Variants in APAF1 observed in about 807,000 individuals in gnomAD.
APAF1 encodes the protein apoptotic protease-activating factor 1.
Under a neutral mutation model 152.4 loss-of-function variants are expected in APAF1, and 91 were observed. The ratio of observed to expected loss-of-function variants is 0.60; its 90% CI spans 0.50 to 0.71. APAF1 has a LOEUF of 0.71. Ranked by LOEUF, APAF1 falls within the 30% of genes least tolerant of loss-of-function variation. The pLI is 0.00. For synonymous variants in APAF1, 484 were observed against 494.1 expected, an observed-to-expected ratio of 0.98 and a Z score of 0.27; for missense variants, 1,283 against 1,472.0, an observed-to-expected ratio of 0.87 and a Z score of 2.10.
intron 14 of APAF1, among the ~76,000 whole-genome samples, chr12:98,681,301 A>G (rs1202903984): frequency 1.3e-5 from 2 of 152,076 alleles, no homozygotes; most frequent in Non-Finnish European, 2.9e-5. Context: ...GCCTCAAGTG[A>G]TCCGCCTGCC....
chr12:98,665,007 G>A (rs1166817509), intron 7 of APAF1, among the ~76,000 whole-genome samples: 1 of 151,942 alleles, frequency 6.6e-6, no homozygotes, highest in Middle Eastern at 3.4e-3. Context: ...AGTGTGCTGT[G>A]ATGAATATCC....
At chr12:98,671,825 G>A (rs2097680563) in intron 12 of APAF1, 106 bp downstream of exon 12, 4 of 1,077,874 alleles carry the variant, frequency 3.7e-6, no homozygotes, top group Non-Finnish European at 5.6e-6. Context: ...ACTTTCGAAA[G>A]GGCTGGAACT....
At chr12:98,715,700 G>T in intron 22 of APAF1, 148 bp downstream of exon 22, 1 of 879,656 alleles carries the variant, frequency 1.1e-6, no homozygotes, top group African/African-American at 1.7e-5. Flanking sequence ...GAAACCTATG[G>T]GTGTTTCATA....
chr12:98,719,100 A>G (rs542820988), intron 22 of APAF1, among the ~76,000 whole-genome samples: 2 of 152,014 alleles, frequency 1.3e-5, no homozygotes, highest in South Asian at 4.2e-4. Context: ...TAATTTTGAG[A>G]GCTCACAAGG....
chr12:98,678,752 G>A (rs1212074694), intron 13 of APAF1, among the ~76,000 whole-genome samples: 2 of 152,256 alleles, frequency 1.3e-5, no homozygotes, highest in Non-Finnish European at 2.9e-5. Context: ...TGATCTTAGA[G>A]CAAAGCTGGG....
chr12:98,706,185 C>G (rs985304222), intron 18 of APAF1, among the ~76,000 whole-genome samples: 3 of 152,014 alleles, frequency 2.0e-5, no homozygotes, highest in Non-Finnish European at 4.4e-5. Flanking sequence ...AGAGATTTGT[C>G]GTCATCAAGG....
At chr12:98,728,383 A>T (rs528145001) in intron 26 of APAF1, among the ~76,000 whole-genome samples, 2 of 152,312 alleles carry the variant, frequency 1.3e-5, no homozygotes, top group Non-Finnish European at 2.9e-5. Context: ...TGGTTTACAG[A>T]TGAGGAAAAT....
intron 12 of APAF1, among the ~76,000 whole-genome samples, chr12:98,676,488 T>C (rs1185535269): frequency 6.6e-6 from 1 of 151,316 alleles, no homozygotes; most frequent in Admixed American, 6.6e-5. Flanking sequence ...GGATTACAGG[T>C]GTGAACCACC....
At chr12:98,692,596 C>A (rs888929079) in intron 16 of APAF1, among the ~76,000 whole-genome samples, 8 of 152,138 alleles carry the variant, frequency 5.3e-5, no homozygotes, top group African/African-American at 1.9e-4. Context: ...ATCTTTATGT[C>A]TTTGTGTACC....
chr12:98,667,764 GATTT>G, intron 10 of APAF1, 120 bp downstream of exon 10: 2 of 383,442 alleles, frequency 5.2e-6, no homozygotes, highest in Non-Finnish European at 8.5e-6. Flanking sequence ...CTTTCCATTT[GATTT>G]TTTTTTTTTT....
intron 5 of APAF1, among the ~76,000 whole-genome samples, chr12:98,659,848 GC>G (rs1166242061): frequency 1.3e-5 from 2 of 150,706 alleles, no homozygotes; most frequent in African/African-American, 4.9e-5. Context: ...AAAAGTGGCT[GC>G]CACTCGGCCT....
intron 5 of APAF1, 137 bp from the exon 6 acceptor site, chr12:98,662,319 T>A: frequency 1.5e-6 from 1 of 662,916 alleles, no homozygotes; most frequent in Non-Finnish European, 2.6e-6. Flanking sequence ...GAAGAATCAT[T>A]TTCCTAGATC....
chr12:98,647,775 G>A (rs2097643558), intron 1 of APAF1, among the ~76,000 whole-genome samples: 1 of 140,842 alleles, frequency 7.1e-6, no homozygotes. Context: ...GGAGATATGT[G>A]TCATAATTTT....
At chr12:98,698,912 A>G (rs2097712399) in intron 16 of APAF1, among the ~76,000 whole-genome samples, 1 of 152,182 alleles carries the variant, frequency 6.6e-6, no homozygotes, top group African/African-American at 2.4e-5. Flanking sequence ...CAAGCACACA[A>G]AGAGTCTTGC....
intron 26 of APAF1, among the ~76,000 whole-genome samples, chr12:98,727,814 G>C (rs1170620592): frequency 6.6e-6 from 1 of 151,866 alleles, no homozygotes; most frequent in East Asian, 1.9e-4. Context: ...GGTGGCATAT[G>C]CCTGTAATCC....
At position 98,723,656 on chromosome 12, in the gene APAF1, T is replaced by G; in HGVS notation, c.3222T>G (p.Thr1074=). The G allele has an allele frequency of 1.9e-6, 3 of 1,591,086 alleles. No homozygotes were observed. In the East Asian group the frequency reaches 6.7e-5, roughly 36 times the overall value. The change falls in exon 24 of 27, where the codon ACT becomes ACG. Residue 1074 remains threonine, a synonymous_variant. Coordinates refer to ENST00000551964, the MANE Select transcript of APAF1 (RefSeq NM_181861.2). The stretch of plus-strand genomic sequence containing the variant: ...TTTTTAAGGTATGGAATATTATTAC[T>G]GGAAATAAAGAAAAAGACTTTGTCT... ...DGTVKVWNII[T]GNKEKDFVCH...
At chr12:98,666,450 T>G (rs1308979232) in intron 9 of APAF1, 93 bp downstream of exon 9, 3 of 1,254,794 alleles carry the variant, frequency 2.4e-6, no homozygotes, top group African/African-American at 1.5e-5. Flanking sequence ...ATAGTTTCTG[T>G]GCATAAGTCC....
In APAF1 at chr12:98,732,551, A is replaced by G. The variant is rs1488857310; in HGVS notation, c.3732A>G (p.Leu1244=). 1.1e-5 allele frequency: 17 copies of G among 1,568,182 alleles called. No homozygotes were observed. In the South Asian group the frequency reaches 1.8e-4, roughly 16 times the overall value. Residue 1244 remains leucine, a synonymous_variant, in exon 27 of 27, where the codon TTA becomes TTG. Coordinates refer to ENST00000551964, the MANE Select transcript of APAF1 (RefSeq NM_181861.2). The stretch of plus-strand genomic sequence containing the variant: ...ATAATCTTGGTATTTTATATATTTT[A>G]CAGACTTTAGAATAAAATAGTTAAG... ...TVDNLGILYI[L]QTLE
Position 98,703,477 on chromosome 12 carries a change from CT to C in APAF1, c.2576del (p.Leu859CysfsTer6). The C allele has an allele frequency of 6.2e-7, 1 of 1,614,134 alleles. No homozygotes were observed. The highest frequency in any genetic ancestry group is 8.5e-7 in the Non-Finnish European group (1 of 1,180,012). ...FSPQNHLAVV[A>X]LSQYCVELWN... ...CCACAAAACCATTTGGCAGTGGTTG[CT>C]TTGTCCCAGTACTGTGTAGAGGTGA... On this transcript the variant is annotated frameshift_variant, in exon 18 of 27. Transcript: ENST00000551964. LOFTEE classifies it high-confidence loss of function.
Sources: gnomAD v4.1 joint callset for allele counts (sites outside exome capture counted in the v4.1 genomes callset) on GRCh38, gnomAD v4.1.1 for gene constraint, MANE v1.5 for transcripts, NCBI Gene and HGNC (gene_info 2026-07-23, HGNC 2026-07-21) for gene names.